RABGEF1: variants seen among roughly 807,000 people sequenced by gnomAD.
The protein encoded by RABGEF1 is RAB guanine nucleotide exchange factor 1.
RABGEF1 carries 26 observed loss-of-function variants against 57.3 expected under a neutral mutation model. The ratio of observed to expected loss-of-function variants is 0.45; its 90% CI spans 0.33 to 0.63. The LOEUF is 0.63. RABGEF1 is among the 20% of genes least tolerant of loss of function. The pLI is 0.02. For missense variants in RABGEF1, 464 were observed against 607.6 expected (o/e 0.76, Z 2.48); for synonymous variants, 185 against 210.7 (o/e 0.88, Z 1.06).
At chr7:66,674,104 C>G in the RABGEF1 span, among the ~76,000 whole-genome samples, 1 of 152,028 alleles carries the variant, frequency 6.6e-6, no homozygotes, top group African/African-American at 2.4e-5. Flanking sequence ...GCTGCAACCA[C>G]TTTGTTAACC....
chr7:66,750,250 T>C (rs535584955), intron 1 of RABGEF1, among the ~76,000 whole-genome samples: 2 of 152,356 alleles, frequency 1.3e-5, no homozygotes, highest in East Asian at 3.9e-4. Flanking sequence ...TTTAATACCA[T>C]CTATGAGAAA....
intron 1 of RABGEF1, among the ~76,000 whole-genome samples, chr7:66,746,301 T>A (rs1007052737): frequency 2.6e-5 from 4 of 151,808 alleles, no homozygotes; most frequent in Admixed American, 6.6e-5. Flanking sequence ...TTTTTTTTTT[T>A]ACTTTTCTTT....
intron 1 of RABGEF1, among the ~76,000 whole-genome samples, chr7:66,763,737 T>C (rs1805016124): frequency 6.6e-6 from 1 of 152,234 alleles, no homozygotes; most frequent in South Asian, 2.1e-4. Context: ...AATCATATAA[T>C]GTGTGGTGTT....
rs1319989235 is a variant in RABGEF1 at position 66,810,471 on chromosome 7, C to T, written c.*1187C>T. On this transcript the variant is annotated 3_prime_UTR_variant, in exon 9 of 9. Transcript: ENST00000284957. ...CCCCTCCGTTAAGAACCACTGATGT[C>T]TTTTACAAACCAGGAGTTATCCTCC... The T allele has an allele frequency of 6.6e-6, 1 of 152,196 alleles. No individual in the cohort carries two copies. The highest frequency in any genetic ancestry group is 2.4e-5 in the African/African-American group (1 of 41,454). The allele number at this position is 152,196 out of a possible 1,614,324, so 9.4% of individuals were successfully genotyped here. A position where few individuals can be genotyped will look rare whatever the true frequency, so the allele number is the denominator to read the frequency against.
At chr7:66,695,180 C>T (rs541956484) in intron 1 of RABGEF1, among the ~76,000 whole-genome samples, 1 of 152,244 alleles carries the variant, frequency 6.6e-6, no homozygotes, top group African/African-American at 2.4e-5. Flanking sequence ...GGCACGGTGG[C>T]GTGCACCAGT....
intron 2 of RABGEF1, among the ~76,000 whole-genome samples, chr7:66,726,346 C>T (rs1796581182): frequency 6.6e-6 from 1 of 151,880 alleles, no homozygotes; most frequent in African/African-American, 2.4e-5. Context: ...AGGAGGCCTC[C>T]CAGAGATTAG....
At chr7:66,752,348 A>G (rs558719971) in intron 1 of RABGEF1, among the ~76,000 whole-genome samples, 1 of 152,192 alleles carries the variant, frequency 6.6e-6, no homozygotes, top group East Asian at 1.9e-4. Context: ...TACAAAAATT[A>G]GCCAGGTATG....
At chr7:66,680,489 C>G (rs1584563627), upstream of RABGEF1, among the ~76,000 whole-genome samples, 1 of 152,160 alleles carries the variant, frequency 6.6e-6, no homozygotes, top group East Asian at 1.9e-4. Context: ...GGTGATCCGC[C>G]CGCCTCTGCC....
At chr7:66,709,290 G>A (rs1052596964) in intron 1 of RABGEF1, among the ~76,000 whole-genome samples, 3 of 152,006 alleles carry the variant, frequency 2.0e-5, no homozygotes, top group African/African-American at 4.8e-5. Flanking sequence ...GTGAGCCATC[G>A]TGCTCTGCCT....
At chr7:66,684,998 C>T (rs921309111) in intron 1 of RABGEF1, among the ~76,000 whole-genome samples, 3 of 152,060 alleles carry the variant, frequency 2.0e-5, no homozygotes, top group African/African-American at 7.2e-5. Flanking sequence ...CCCCTGGCCT[C>T]AAGTGATTCT....
At chr7:66,715,012 T>C (rs1453178323) in intron 2 of RABGEF1, among the ~76,000 whole-genome samples, 4 of 151,984 alleles carry the variant, frequency 2.6e-5, no homozygotes, top group African/African-American at 7.2e-5. Context: ...CCTCCTCCTC[T>C]TCTTCTTCCT....
chr7:66,687,377 C>T (rs1438846043), intron 1 of RABGEF1, among the ~76,000 whole-genome samples: 4 of 151,482 alleles, frequency 2.6e-5, no homozygotes, highest in East Asian at 1.9e-4. Flanking sequence ...CCATCCTCCT[C>T]GGCCTCCCAG....
the RABGEF1 span, among the ~76,000 whole-genome samples, chr7:66,670,188 T>G: frequency 6.6e-6 from 1 of 152,168 alleles, no homozygotes; most frequent in African/African-American, 2.4e-5. Context: ...AATTTCACTG[T>G]CCCCTAGTTC....
chr7:66,683,649 G>C (rs1034789799), intron 1 of RABGEF1, among the ~76,000 whole-genome samples: 35 of 152,140 alleles, frequency 2.3e-4, no homozygotes, highest in Non-Finnish European at 3.8e-4. Context: ...TGAAGAATGA[G>C]TAACATTCAG....
the RABGEF1 span, among the ~76,000 whole-genome samples, chr7:66,676,493 C>T: frequency 4.6e-5 from 7 of 152,250 alleles, no homozygotes; most frequent in East Asian, 5.8e-4. Flanking sequence ...ATTTTCAATC[C>T]GTATTTGGTT....
At chr7:66,751,364 A>G (rs951831879) in intron 1 of RABGEF1, among the ~76,000 whole-genome samples, 2 of 152,090 alleles carry the variant, frequency 1.3e-5, no homozygotes, top group African/African-American at 4.8e-5. Flanking sequence ...AAAACATACC[A>G]TTAAATAAGT....
chr7:66,770,623 A>G (rs879871353), intron 1 of RABGEF1, among the ~76,000 whole-genome samples: 1 of 152,118 alleles, frequency 6.6e-6, no homozygotes, highest in Non-Finnish European at 1.5e-5. Flanking sequence ...AGCTGGGACT[A>G]CAGGCATACA....
chr7:66,795,032 A>G (rs1813681779), intron 4 of RABGEF1, among the ~76,000 whole-genome samples: 1 of 152,282 alleles, frequency 6.6e-6, no homozygotes, highest in South Asian at 2.1e-4. Context: ...GGTCCCCGGA[A>G]AAACTCCAGC....
At chr7:66,765,484 C>T (rs1805468577) in intron 1 of RABGEF1, among the ~76,000 whole-genome samples, 2 of 151,990 alleles carry the variant, frequency 1.3e-5, no homozygotes, top group African/African-American at 4.8e-5. Flanking sequence ...TAAGAAAAAA[C>T]GACAAAAGTA....
Sources: gnomAD v4.1 joint callset for allele counts (sites outside exome capture counted in the v4.1 genomes callset) on GRCh38, gnomAD v4.1.1 for gene constraint, MANE v1.5 for transcripts, NCBI Gene and HGNC (gene_info 2026-07-23, HGNC 2026-07-21) for gene names.